CPEB3: variants seen among roughly 807,000 people sequenced by gnomAD.
CPEB3 encodes cytoplasmic polyadenylation element binding protein 3.
Under a neutral mutation model 67.2 loss-of-function variants are expected in CPEB3, and 20 were observed. The ratio of observed to expected loss-of-function variants is 0.30; its 90% CI spans 0.21 to 0.43. CPEB3 has a LOEUF of 0.43. CPEB3 is among the 20% of genes least tolerant of loss of function. The probability of loss-of-function intolerance (pLI) is 1.00; values close to 1 mark genes in which losing one functional copy is unlikely to be tolerated. For synonymous variants in CPEB3, 376 were observed against 393.1 expected (o/e 0.96, Z 0.51); for missense variants, 746 against 968.6 (o/e 0.77, Z 3.05).
intron 2 of CPEB3, among the ~76,000 whole-genome samples, chr10:92,237,657 T>G (rs147661696): frequency 1.3e-5 from 2 of 152,286 alleles, no homozygotes; most frequent in Non-Finnish European, 2.9e-5. Context: ...GGTTATCCTC[T>G]AAGACTGAAC....
chr10:92,235,091 T>C (rs11186868), intron 2 of CPEB3, among the ~76,000 whole-genome samples: 2 of 152,000 alleles, frequency 1.3e-5, no homozygotes, highest in South Asian at 4.1e-4. Flanking sequence ...ACTACAATGG[T>C]CAAAGGCTCT....
intron 2 of CPEB3, among the ~76,000 whole-genome samples, chr10:92,226,602 G>T (rs2134503239): frequency 6.6e-6 from 1 of 152,300 alleles, no homozygotes; most frequent in African/African-American, 2.4e-5. Flanking sequence ...CAGTGAAAAG[G>T]TCCTTGCCCT....
intron 2 of CPEB3, among the ~76,000 whole-genome samples, chr10:92,205,427 T>C (rs1849734857): frequency 6.6e-6 from 1 of 151,730 alleles, no homozygotes. Flanking sequence ...GATATTACAA[T>C]ATCTTTTTTT....
chr10:92,137,842 C>G (rs1392748373), intron 6 of CPEB3: 1 of 178,736 alleles, frequency 5.6e-6, no homozygotes, highest in Non-Finnish European at 1.2e-5. Context: ...ACTAAAAATA[C>G]AAAAAGAAAT....
chr10:92,181,142 A>G, intron 3 of CPEB3, 123 bp from the exon 4 acceptor site: 1 of 563,330 alleles, frequency 1.8e-6, no homozygotes, highest in Non-Finnish European at 3.1e-6. Context: ...ATCAAAGGCC[A>G]AAGCAGTTAC....
intron 6 of CPEB3, among the ~76,000 whole-genome samples, chr10:92,113,240 T>A (rs1844839540): frequency 6.6e-6 from 1 of 152,158 alleles, no homozygotes; most frequent in South Asian, 2.1e-4. Context: ...TCAGGAAAAA[T>A]AAAACCTGAC....
chr10:92,216,042 C>T (rs1288609481), intron 2 of CPEB3, among the ~76,000 whole-genome samples: 9 of 72,316 alleles, frequency 1.2e-4, no homozygotes, highest in Non-Finnish European at 2.1e-4. Flanking sequence ...GCCACCGCGC[C>T]CAGCTCATTT....
At chr10:92,283,940 G>C (rs1842418515) in intron 1 of CPEB3, among the ~76,000 whole-genome samples, 1 of 150,258 alleles carries the variant, frequency 6.7e-6, no homozygotes, top group African/African-American at 2.5e-5. Context: ...GTTGTCCAGG[G>C]TGGTCGCGAA....
intron 9 of CPEB3, among the ~76,000 whole-genome samples, chr10:92,059,707 A>T (rs1171678067): frequency 6.6e-6 from 1 of 152,172 alleles, no homozygotes; most frequent in Non-Finnish European, 1.5e-5. Context: ...ACTAAGAAAA[A>T]GAAAAGATTC....
chr10:92,263,200 G>A (rs1418968865), intron 1 of CPEB3, among the ~76,000 whole-genome samples: 2 of 152,120 alleles, frequency 1.3e-5, no homozygotes, highest in African/African-American at 4.8e-5. Flanking sequence ...CTCAGCCCCA[G>A]GAGTAGCTGG....
chr10:92,203,976 T>C (rs1336196751), intron 2 of CPEB3, among the ~76,000 whole-genome samples: 3 of 152,188 alleles, frequency 2.0e-5, no homozygotes, highest in Non-Finnish European at 4.4e-5. Flanking sequence ...ATTAACCATA[T>C]TACCCACAAA....
At chr10:92,183,592 A>C (rs1848558385) in intron 3 of CPEB3, among the ~76,000 whole-genome samples, 1 of 152,222 alleles carries the variant, frequency 6.6e-6, no homozygotes. Flanking sequence ...ACCAGCTTTC[A>C]TCCTTTTCTG....
At chr10:92,291,232 G>A, upstream of CPEB3, 1 of 534,010 alleles carries the variant, frequency 1.9e-6, no homozygotes, top group East Asian at 3.5e-5. Context: ...CCGGAACCTC[G>A]GGCCGACGGA....
At chr10:92,181,596 T>C (rs896922376) in intron 3 of CPEB3, among the ~76,000 whole-genome samples, 84 of 152,282 alleles carry the variant, frequency 5.5e-4, no homozygotes, top group African/African-American at 1.8e-3. Flanking sequence ...TGATATGACC[T>C]TGAATATAAT....
At chr10:92,165,446 T>A (rs1189799764) in intron 4 of CPEB3, among the ~76,000 whole-genome samples, 1 of 131,578 alleles carries the variant, frequency 7.6e-6, no homozygotes, top group Admixed American at 9.1e-5. Flanking sequence ...CTTCCCTCCA[T>A]GTGGATTGTT....
At chr10:92,197,032 T>C (rs1849276263) in intron 2 of CPEB3, among the ~76,000 whole-genome samples, 1 of 152,094 alleles carries the variant, frequency 6.6e-6, no homozygotes, top group Non-Finnish European at 1.5e-5. Context: ...ACCATAATAT[T>C]AGGGAGAACA....
intron 1 of CPEB3, among the ~76,000 whole-genome samples, chr10:92,241,179 C>T (rs1031155909): frequency 6.6e-6 from 1 of 152,118 alleles, no homozygotes; most frequent in Non-Finnish European, 1.5e-5. Context: ...CCAATTCTGC[C>T]GCACAAGAGA....
chr10:92,148,586 C>T (rs965743258), intron 4 of CPEB3, among the ~76,000 whole-genome samples: 2 of 152,084 alleles, frequency 1.3e-5, no homozygotes, highest in Non-Finnish European at 2.9e-5. Context: ...AAATTGTAAA[C>T]TCTATTAGGA....
At chr10:92,192,785 T>G in intron 2 of CPEB3, 149 bp from the exon 3 acceptor site, 1 of 570,962 alleles carries the variant, frequency 1.8e-6, no homozygotes, top group Non-Finnish European at 2.9e-6. Flanking sequence ...TTTGTTTATT[T>G]ATTTATTTAC....
Sources: gnomAD v4.1 joint callset for allele counts (sites outside exome capture counted in the v4.1 genomes callset) on GRCh38, gnomAD v4.1.1 for gene constraint, MANE v1.5 for transcripts, NCBI Gene and HGNC (gene_info 2026-07-23, HGNC 2026-07-21) for gene names.